PYGB: variants seen among roughly 807,000 people sequenced by gnomAD.
The protein encoded by PYGB is glycogen phosphorylase B.
A neutral mutation model predicts 94.3 loss-of-function variants in PYGB; 82 were observed. The ratio of observed to expected loss-of-function variants is 0.87; its 90% CI spans 0.73 to 1.04. PYGB has a LOEUF of 1.04. Among genes scored for constraint, PYGB ranks in the 50% least tolerant of loss-of-function variants. The pLI, the probability that PYGB is intolerant of heterozygous loss-of-function variation, is 0.00. For synonymous variants in PYGB, 488 were observed against 479.1 expected (o/e 1.02, Z -0.24); for missense variants, 1,132 against 1,158.2 (o/e 0.98, Z 0.33).
rs748888859 is a variant in PYGB at position 25,248,566 on chromosome 20, G to C, written c.243+145G>C. 1.3e-3 allele frequency: 1,486 copies of C among 1,112,378 alleles called. 3 individuals are homozygous for C. The highest frequency in any genetic ancestry group is 1.6e-3 in the Non-Finnish European group (1,420 of 885,276). 68.9% of individuals were successfully genotyped at this position (1,112,378 alleles called of 1,614,324 possible). A position where few individuals can be genotyped will look rare whatever the true frequency, so the allele number is the denominator to read the frequency against. The stretch of plus-strand genomic sequence containing the variant: ...CGGCGGCCAGGCACAGCCGACTGGG[G>C]AGTCGCCTGGAAGCCGCAGTCGGCG... On this transcript the variant is annotated intron_variant, in intron 1 of 19. Transcript: ENST00000216962.
At chr20:25,262,283 C>T (rs563159934) in intron 2 of PYGB, among the ~76,000 whole-genome samples, 4 of 152,312 alleles carry the variant, frequency 2.6e-5, no homozygotes, top group Non-Finnish European at 4.4e-5. Flanking sequence ...CGGATCTCTT[C>T]GCAGAAACTG....
chr20:25,292,492 G>A lies in PYGB; in HGVS notation c.2056G>A (p.Gly686Arg), dbSNP rs767699360. Residue 686 changes from glycine to arginine, a missense_variant, in exon 17 of 20, where the codon GGG becomes AGG. Physicochemically the swap from Gly to Arg is moderately radical, Grantham distance 125. Coordinates refer to ENST00000216962, the MANE Select transcript of PYGB (RefSeq NM_002862.4). ...AGGCAACATGAAGTTCATGCTCAACGGGGCCCTCACCATCGGCACCATGGA... is the reference window on the plus strand; with the variant it reads ...AGGCAACATGAAGTTCATGCTCAACAGGGCCCTCACCATCGGCACCATGGA... ...GTGNMKFMLNGALTIGTMDGA... is the reference protein window; with the variant it reads ...GTGNMKFMLNRALTIGTMDGA... 5 of 1,613,546 alleles carry A rather than the reference G, an allele frequency of 3.1e-6. No homozygotes were observed. The highest frequency in any genetic ancestry group is 1.1e-5 in the South Asian group (1 of 91,092).
At chr20:25,272,732 A>C (rs900991432) in intron 4 of PYGB, among the ~76,000 whole-genome samples, 1 of 152,208 alleles carries the variant, frequency 6.6e-6, no homozygotes, top group African/African-American at 2.4e-5. Flanking sequence ...CTGCCTCCGG[A>C]CAGCTCTGCC....
intron 11 of PYGB, 131 bp downstream of exon 11, chr20:25,281,243 G>T: frequency 7.9e-7 from 1 of 1,269,614 alleles, no homozygotes; most frequent in South Asian, 1.5e-5. Flanking sequence ...TGCCTCCATA[G>T]GAATGACAGA....
Position 25,277,136 on chromosome 20 carries a change from T to TC in PYGB, c.773-106dup. Reference sequence around the variant, plus strand: ...GGAAGTAATGCAGCGGCTGGGGGAGTCCTGTGCTCGAGCGAGTTTCCTTGG... The same window carrying TC: ...GGAAGTAATGCAGCGGCTGGGGGAGTCCCTGTGCTCGAGCGAGTTTCCTTGG... On this transcript the variant is annotated intron_variant, in intron 6 of 19. Coordinates refer to ENST00000216962, the MANE Select transcript of PYGB (RefSeq NM_002862.4). The TC allele has an allele frequency of 3.7e-6, 3 of 814,878 alleles. No homozygotes were observed. The East Asian group carries it at 7.6e-5, about 21-fold the overall frequency. 50.5% of individuals were successfully genotyped at this position (814,878 alleles called of 1,614,324 possible). A position where few individuals can be genotyped will look rare whatever the true frequency, so the allele number is the denominator to read the frequency against.
At chr20:25,294,053 A>G (rs1343000445) in intron 17 of PYGB, 105 bp from the exon 18 acceptor site, 2 of 1,500,802 alleles carry the variant, frequency 1.3e-6, no homozygotes, top group East Asian at 2.4e-5. Flanking sequence ...TTGAGCTCCC[A>G]GGGCCATCCT....
intron 1 of PYGB, among the ~76,000 whole-genome samples, chr20:25,253,319 T>C (rs1190982057): frequency 6.6e-6 from 1 of 152,204 alleles, no homozygotes; most frequent in Non-Finnish European, 1.5e-5. Context: ...GTTCTGTGTC[T>C]CTGGAGAACC....
chr20:25,276,611 G>A (rs1449517808), intron 5 of PYGB, 35 bp from the exon 6 acceptor site: 3 of 1,582,344 alleles, frequency 1.9e-6, no homozygotes, highest in Non-Finnish European at 2.6e-6. Context: ...GGGGGCCCTT[G>A]CCACTCCGTC....
At chr20:25,288,608 G>GC (rs1300509864) in intron 15 of PYGB, 125 bp downstream of exon 15, 2 of 1,150,056 alleles carry the variant, frequency 1.7e-6, no homozygotes. Flanking sequence ...GCGGTCACCG[G>GC]CCCCTCTGGT....
chr20:25,282,226 C>T (rs2088374843), intron 12 of PYGB, 79 bp downstream of exon 12: 17 of 1,224,478 alleles, frequency 1.4e-5, no homozygotes, highest in Non-Finnish European at 1.7e-5. Flanking sequence ...CCCTGCTGAG[C>T]GGTTGCTGAG....
At chr20:25,276,827 C>G in intron 6 of PYGB, 70 bp downstream of exon 6, 1 of 1,391,444 alleles carries the variant, frequency 7.2e-7, no homozygotes, top group Non-Finnish European at 1.0e-6. Context: ...TCGCCCACAG[C>G]CTTTACCGCG....
Position 25,252,092 on chromosome 20 carries a change from T to G in PYGB, c.243+3671T>G, listed in dbSNP as rs549920855. Among the ~76,000 whole-genome samples the G allele has an allele frequency of 1.1e-4, 17 of 152,362 alleles. No homozygotes were observed. The East Asian group carries it at 3.3e-3, about 29-fold the overall frequency. ...TCCACTTTTATGTGTGAAGTTGAGC[T>G]TGCATCTCCTGGGCAGGCTTCCCTG... On this transcript the variant is annotated intron_variant, in intron 1 of 19. Coordinates refer to ENST00000216962, the MANE Select transcript of PYGB (RefSeq NM_002862.4).
intron 4 of PYGB, among the ~76,000 whole-genome samples, chr20:25,271,788 T>G (rs1297307486): frequency 1.3e-5 from 2 of 152,212 alleles, no homozygotes; most frequent in African/African-American, 2.4e-5. Context: ...ACAGGGCCAG[T>G]AGCAGCCGGG....
chr20:25,263,311 C>G (rs1465827231), intron 2 of PYGB, among the ~76,000 whole-genome samples: 3 of 152,316 alleles, frequency 2.0e-5, no homozygotes, highest in African/African-American at 7.2e-5. Flanking sequence ...GATTAAGACA[C>G]TCACTCAAAA....
At chr20:25,262,934 C>T (rs547311706) in intron 2 of PYGB, among the ~76,000 whole-genome samples, 12 of 152,162 alleles carry the variant, frequency 7.9e-5, no homozygotes, top group Non-Finnish European at 1.5e-4. Context: ...AATACATATG[C>T]ACCCAATACA....
chr20:25,279,201 G>C, intron 9 of PYGB, 52 bp downstream of exon 9: 2 of 1,561,940 alleles, frequency 1.3e-6, no homozygotes, highest in Non-Finnish European at 8.8e-7. Flanking sequence ...AGCCCGTGCA[G>C]ACCAGGGCTA....
intron 17 of PYGB, among the ~76,000 whole-genome samples, 186 bp downstream of exon 17, chr20:25,292,799 C>G (rs2258563): frequency 6.6e-6 from 1 of 151,906 alleles, no homozygotes; most frequent in Non-Finnish European, 1.5e-5. Flanking sequence ...GGACGGGGTC[C>G]GGGCTGCGGG....
intron 15 of PYGB, chr20:25,288,694 G>T: frequency 1.7e-6 from 1 of 605,040 alleles, no homozygotes. Flanking sequence ...TCACTGGAGG[G>T]GTCCCCAGCC....
intron 14 of PYGB, among the ~76,000 whole-genome samples, chr20:25,287,932 G>A (rs1236067287): frequency 1.3e-5 from 2 of 152,126 alleles, no homozygotes; most frequent in African/African-American, 2.4e-5. Flanking sequence ...AGTGAGCTAC[G>A]CTTACACCAC....
Sources: gnomAD v4.1 joint callset for allele counts (sites outside exome capture counted in the v4.1 genomes callset) on GRCh38, gnomAD v4.1.1 for gene constraint, MANE v1.5 for transcripts, NCBI Gene and HGNC (gene_info 2026-07-23, HGNC 2026-07-21) for gene names.